The following TUBA1B variants were observed in gnomAD, a reference collection of about 807,000 sequenced individuals.
TUBA1B encodes the protein tubulin alpha 1b.
Under a neutral mutation model 34.4 loss-of-function variants are expected in TUBA1B, and 1 was observed. That is an observed-to-expected ratio of 0.03 (90% confidence interval 0.01 to 0.14). The LOEUF (loss-of-function observed/expected upper bound fraction) is 0.14, where lower values mean the gene tolerates loss of function less well. Among genes scored for constraint, TUBA1B ranks in the 10% least tolerant of loss-of-function variants. TUBA1B has a pLI of 1.00. For synonymous variants in TUBA1B, 197 were observed against 212.5 expected (o/e 0.93, Z 0.64); for missense variants, 54 against 583.6 (o/e 0.09, Z 9.35).
At chr12:49,130,848 TCGC>T (rs2121168477) in intron 1 of TUBA1B, 1 of 167,180 alleles carries the variant, frequency 6.0e-6, no homozygotes, top group East Asian at 1.7e-4. Flanking sequence ...AAGGTAACGG[TCGC>T]GCGTGCGCGC....
chr12:49,130,628 T>C, intron 1 of TUBA1B: 1 of 345,304 alleles, frequency 2.9e-6, no homozygotes, highest in South Asian at 2.2e-5. Context: ...GAGAGACAGG[T>C]GGCCTCTACA....
In TUBA1B at chr12:49,128,525, G is replaced by T. The variant is rs780312988; in HGVS notation, c.789C>A (p.Pro263=). 2.5e-5 allele frequency: 41 copies of T among 1,613,760 alleles called. No homozygotes were observed. The Middle Eastern group carries it at 6.7e-4, about 26-fold the overall frequency. ...TEFQTNLVPY[P]RIHFPLATYA... ...ATGTGGCCAGAGGGAAGTGGATGCG[G>T]GGGTAGGGCACCAGGTTGGTCTGGA... The change falls in exon 4 of 4, where the codon CCC becomes CCA. Residue 263 remains proline, a synonymous_variant. Transcript: ENST00000336023. This position sits in a 1 kb window ranked among gnomAD's most constrained non-coding sequence, Gnocchi z 8.1.
At position 49,129,525 on chromosome 12, in the gene TUBA1B, A is replaced by G; in HGVS notation, c.201T>C (p.Phe67=). 3.7e-6 allele frequency: 6 copies of G among 1,614,212 alleles called. No individual in the cohort carries two copies. Among genetic ancestry groups the G allele is most frequent in the Non-Finnish European group, 5.1e-6 (6 of 1,180,036 alleles). The part of the protein sequence containing the change: ...GAGKHVPRAV[F]VDLEPTVIDE... ...CAATGACTGTGGGTTCCAAGTCTAC[A>G]AACACAGCCCGGGGCACGTGCTTGC... is the stretch of plus-strand genomic sequence containing the variant. The change falls in exon 2 of 4, where the codon TTT becomes TTC. Residue 67 remains phenylalanine, a synonymous_variant. Transcript: ENST00000336023.
In TUBA1B at chr12:49,131,236, C is replaced by G. The variant is rs991896068; in HGVS notation, c.3+62G>C. On this transcript the variant is annotated intron_variant, in intron 1 of 3. Coordinates refer to ENST00000336023, the MANE Select transcript of TUBA1B (RefSeq NM_006082.3). ...CCCGGCTGTATACAGGGCCCCAGCG[C>G]CCCGCCGGCTCGCTTTTCCCTGCTT... is the stretch of plus-strand genomic sequence containing the variant. The G allele has an allele frequency of 5.1e-6, 8 of 1,570,660 alleles. No individual in the cohort carries two copies. The Admixed American group carries it at 1.3e-4, about 26-fold the overall frequency.
chr12:49,131,253 TC>T, intron 1 of TUBA1B, 44 bp downstream of exon 1: 1 of 1,595,060 alleles, frequency 6.3e-7, no homozygotes, highest in Non-Finnish European at 8.5e-7. Flanking sequence ...GGCTCGCTTT[TC>T]CCTGCTTCCC....
chr12:49,129,898 A>C, intron 1 of TUBA1B, 176 bp from the exon 2 acceptor site: 1 of 1,198,166 alleles, frequency 8.3e-7, no homozygotes, highest in Non-Finnish European at 1.1e-6. Flanking sequence ...CCCCCACCTC[A>C]GCCTCTGGAG....
chr12:49,131,226 G>C, intron 1 of TUBA1B, 72 bp downstream of exon 1: 1 of 1,554,494 alleles, frequency 6.4e-7, no homozygotes, highest in Non-Finnish European at 8.7e-7. Flanking sequence ...CTGTATACAG[G>C]GCCCCAGCGC....
intron 3 of TUBA1B, 113 bp from the exon 4 acceptor site, chr12:49,129,051 T>C (rs1941772461): frequency 5.9e-6 from 9 of 1,517,124 alleles, no homozygotes; most frequent in Middle Eastern, 3.7e-4. Flanking sequence ...GCACAAGGAA[T>C]TGGCAAAACA....
chr12:49,131,350 C>T lies in TUBA1B; in HGVS notation c.-50G>A, dbSNP rs750280211. On this transcript the variant is annotated 5_prime_UTR_variant, in exon 1 of 4. Coordinates refer to ENST00000336023, the MANE Select transcript of TUBA1B (RefSeq NM_006082.3). ...GGCGACAGGAGCAGACACCGGGTCC[C>T]GGTTACCGTCCCCGACAAGCTAAGA... is the stretch of plus-strand genomic sequence containing the variant. 1.2e-6 allele frequency: 2 copies of T among 1,605,466 alleles called. No individual in the cohort carries two copies. The highest frequency in any genetic ancestry group is 1.1e-5 in the South Asian group (1 of 89,812).
At chr12:49,130,106 TAATG>T in intron 1 of TUBA1B, 1 of 1,202,288 alleles carries the variant, frequency 8.3e-7, no homozygotes, top group Non-Finnish European at 1.1e-6. Context: ...ACGTTGCTTT[TAATG>T]AATGTTACCT....
intron 1 of TUBA1B, 132 bp downstream of exon 1, chr12:49,131,166 C>T (rs1291149661): frequency 1.2e-5 from 15 of 1,211,142 alleles, no homozygotes; most frequent in Non-Finnish European, 1.2e-6. Flanking sequence ...TGGCCTCTCG[C>T]CTCGTTTTCC....
chr12:49,131,354 T>A lies in TUBA1B; in HGVS notation c.-54A>T. On this transcript the variant is annotated 5_prime_UTR_variant, in exon 1 of 4. Coordinates refer to ENST00000336023, the MANE Select transcript of TUBA1B (RefSeq NM_006082.3). ...ACAGGAGCAGACACCGGGTCCCGGTTACCGTCCCCGACAAGCTAAGAGTCG... is the reference window on the plus strand; with the variant it reads ...ACAGGAGCAGACACCGGGTCCCGGTAACCGTCCCCGACAAGCTAAGAGTCG... 6.2e-7 allele frequency: 1 copy of A among 1,604,162 alleles called. No homozygotes were observed. The highest frequency in any genetic ancestry group is 1.7e-5 in the Admixed American group (1 of 58,828).
chr12:49,130,127 C>G (rs977894963), intron 1 of TUBA1B: 1 of 1,200,214 alleles, frequency 8.3e-7, no homozygotes, highest in African/African-American at 1.6e-5. Flanking sequence ...ACCTTCCCAT[C>G]CTAAACCGGG....
At chr12:49,130,325 C>G in intron 1 of TUBA1B, 1 of 1,289,204 alleles carries the variant, frequency 7.8e-7, no homozygotes, top group Non-Finnish European at 1.0e-6. Flanking sequence ...TGTCTGTCCG[C>G]AGGGACAAGG....
At chr12:49,129,153 GC>G in intron 3 of TUBA1B, 88 bp downstream of exon 3, 1 of 1,606,716 alleles carries the variant, frequency 6.2e-7, no homozygotes, top group South Asian at 1.1e-5. Context: ...TTTGGTAGGT[GC>G]CAAAGAATGA....
chr12:49,127,893 G>A lies in TUBA1B; in HGVS notation c.*65C>T. On this transcript the variant is annotated 3_prime_UTR_variant, in exon 4 of 4. Coordinates refer to ENST00000336023, the MANE Select transcript of TUBA1B (RefSeq NM_006082.3). ...ATCTAACCAGAAAGCTTTAACGTCT[G>A]TCAGTTAAGCTGAAGCTGAAATTCT... is the stretch of plus-strand genomic sequence containing the variant. 5.6e-6 allele frequency: 9 copies of A among 1,610,812 alleles called. No individual in the cohort carries two copies. The highest frequency in any genetic ancestry group is 7.6e-6 in the Non-Finnish European group (9 of 1,177,634).
At chr12:49,130,331 C>A (rs764590238) in intron 1 of TUBA1B, 2 of 1,289,230 alleles carry the variant, frequency 1.6e-6, no homozygotes, top group South Asian at 1.2e-5. Context: ...TCCGCAGGGA[C>A]AAGGGGCGGG....
intron 3 of TUBA1B, 35 bp downstream of exon 3, chr12:49,129,207 A>G (rs147882929): frequency 7.8e-4 from 1,251 of 1,612,774 alleles, no homozygotes; most frequent in Non-Finnish European, 1.0e-3. Context: ...GAACTATCAC[A>G]CCACATTAAA....
chr12:49,131,084 G>T, intron 1 of TUBA1B: 1 of 541,758 alleles, frequency 1.8e-6, no homozygotes, highest in Non-Finnish European at 3.3e-6. Context: ...AGTCCGAGAA[G>T]AAATCCTGGC....
Sources: allele counts gnomAD v4.1 joint callset, GRCh38; gene constraint gnomAD v4.1.1; non-coding constraint Gnocchi (gnomAD v3.1); transcripts MANE v1.5; gene names NCBI Gene and HGNC (gene_info 2026-07-23, HGNC 2026-07-21).